The following STPG2 variants were observed in gnomAD, a reference collection of about 807,000 sequenced individuals.
STPG2 encodes the protein sperm-tail PG-rich repeat-containing protein 2.
In STPG2, 56 loss-of-function variants were observed where a neutral mutation model predicts 54.2. The ratio of observed to expected loss-of-function variants is 1.03; its 90% CI spans 0.83 to 1.29. The LOEUF (loss-of-function observed/expected upper bound fraction) is 1.29. Among genes scored for constraint, STPG2 ranks in the 50% most tolerant of loss-of-function variants. The pLI is 0.00. For synonymous variants in STPG2, 200 were observed against 181.8 expected, an observed-to-expected ratio of 1.10 and a Z score of -0.81; for missense variants, 596 against 544.9, an observed-to-expected ratio of 1.09 and a Z score of -0.93.
intron 4 of STPG2, among the ~76,000 whole-genome samples, chr4:97,498,190 T>C (rs911349352): frequency 1.3e-5 from 2 of 152,004 alleles, no homozygotes; most frequent in African/African-American, 4.8e-5. Context: ...AGGTAGGCTC[T>C]CATATAATGA....
At chr4:97,975,763 A>G (rs1223439216) in intron 6 of STPG2, among the ~76,000 whole-genome samples, 2 of 152,178 alleles carry the variant, frequency 1.3e-5, no homozygotes, top group African/African-American at 2.4e-5. Context: ...TCTGGGCTTC[A>G]AGTTCCTTAT....
chr4:97,518,899 CA>C (rs1444416908), intron 4 of STPG2, among the ~76,000 whole-genome samples: 1 of 152,004 alleles, frequency 6.6e-6, no homozygotes, highest in African/African-American at 2.4e-5. Context: ...ATGCTAATGC[CA>C]GGGAACATTA....
At chr4:97,749,605 T>C (rs1457279617) in intron 9 of STPG2, among the ~76,000 whole-genome samples, 4 of 151,728 alleles carry the variant, frequency 2.6e-5, no homozygotes, top group Non-Finnish European at 4.4e-5. Context: ...AGAGTAACCA[T>C]AGATCTCAGT....
At chr4:98,070,645 G>A (rs905603643) in intron 5 of STPG2, among the ~76,000 whole-genome samples, 1 of 152,064 alleles carries the variant, frequency 6.6e-6, no homozygotes, top group African/African-American at 2.4e-5. Flanking sequence ...TTCTTAAGCT[G>A]ATAAGCAACT....
At chr4:97,929,940 A>AGG in intron 8 of STPG2, among the ~76,000 whole-genome samples, 1 of 151,902 alleles carries the variant, frequency 6.6e-6, no homozygotes, top group African/African-American at 2.4e-5. Context: ...TTACCCTATC[A>AGG]CCAGGCTGGA....
At chr4:97,515,228 TATA>T (rs1317331457) in intron 4 of STPG2, among the ~76,000 whole-genome samples, 1 of 152,078 alleles carries the variant, frequency 6.6e-6, no homozygotes, top group Non-Finnish European at 1.5e-5. Flanking sequence ...AAGGTTGCAT[TATA>T]ATAAGTAGTT....
chr4:97,705,906 A>G (rs969502048), intron 10 of STPG2, among the ~76,000 whole-genome samples: 1 of 151,952 alleles, frequency 6.6e-6, no homozygotes, highest in Non-Finnish European at 1.5e-5. Context: ...AACATATATA[A>G]CATATCTAAT....
At chr4:97,991,740 C>T (rs1018061729) in intron 5 of STPG2, among the ~76,000 whole-genome samples, 2 of 152,018 alleles carry the variant, frequency 1.3e-5, no homozygotes, top group Non-Finnish European at 2.9e-5. Flanking sequence ...AAACTGTTCC[C>T]TTTTCACCAC....
At chr4:98,130,705 A>G (rs988817288) in intron 2 of STPG2, among the ~76,000 whole-genome samples, 2 of 151,742 alleles carry the variant, frequency 1.3e-5, no homozygotes, top group South Asian at 4.2e-4. Context: ...GGTGGATCAC[A>G]AGGTCAGGAG....
intron 5 of STPG2, among the ~76,000 whole-genome samples, chr4:98,056,846 ACTCT>A (rs1578818992): frequency 6.8e-6 from 1 of 146,636 alleles, no homozygotes; most frequent in South Asian, 2.2e-4. Context: ...TTGCCTCTTT[ACTCT>A]CTCTCTCTCC....
intron 5 of STPG2, among the ~76,000 whole-genome samples, chr4:98,053,754 T>C (rs575408049): frequency 5.5e-4 from 84 of 152,120 alleles, no homozygotes; most frequent in Non-Finnish European, 1.1e-3. Flanking sequence ...CAACATTTTA[T>C]GGTAAATGTT....
intron 9 of STPG2, among the ~76,000 whole-genome samples, chr4:97,839,244 GAGGCAAGTAGGTGGCAAATATCTCAAC>G (rs1384274394): frequency 6.6e-6 from 1 of 151,546 alleles, no homozygotes; most frequent in Non-Finnish European, 1.5e-5. Flanking sequence ...GTATTCTCAT[GAGGCAAGTAGGTGGCAAATATCTCAAC>G]TGTGAAAAAC....
chr4:98,140,136 G>A lies in STPG2; in HGVS notation c.109+2906C>T, dbSNP rs2110172944. Among the ~76,000 whole-genome samples, 2 of 152,268 alleles carry A rather than the reference G, an allele frequency of 1.3e-5. 1 individual carries two copies. Among genetic ancestry groups the A allele is most frequent in the South Asian group, 4.1e-4 (2 of 4,826 alleles). On this transcript the variant is annotated intron_variant, in intron 1 of 10. Transcript: ENST00000295268. Reference sequence around the variant, plus strand: ...CAAAGAATAAATACAAATTAGCCAAGTGAAGAAAGAAAACAGTGTACTGGA... The same window carrying A: ...CAAAGAATAAATACAAATTAGCCAAATGAAGAAAGAAAACAGTGTACTGGA...
chr4:97,960,071 A>C (rs1560610578), intron 7 of STPG2, among the ~76,000 whole-genome samples: 1 of 152,184 alleles, frequency 6.6e-6, no homozygotes, highest in Non-Finnish European at 1.5e-5. Flanking sequence ...GTGATACATC[A>C]CATAAACAGA....
At chr4:98,129,180 G>A (rs1290282972) in intron 2 of STPG2, among the ~76,000 whole-genome samples, 3 of 152,138 alleles carry the variant, frequency 2.0e-5, no homozygotes, top group Non-Finnish European at 2.9e-5. Flanking sequence ...ATTCTTTCTC[G>A]TTTGGGTCAG....
At chr4:97,478,872 TATG>T (rs1730145031) in intron 4 of STPG2, among the ~76,000 whole-genome samples, 1 of 117,982 alleles carries the variant, frequency 8.5e-6, no homozygotes, top group African/African-American at 3.5e-5. Flanking sequence ...CCAAGCCAAA[TATG>T]TGTGTGTGTG....
chr4:97,898,692 A>T (rs722024), intron 8 of STPG2, among the ~76,000 whole-genome samples: 1 of 151,574 alleles, frequency 6.6e-6, no homozygotes, highest in African/African-American at 2.4e-5. Flanking sequence ...TAAAAGCTTT[A>T]ATTATTAGAT....
chr4:98,062,410 G>A (rs10017201), intron 5 of STPG2, among the ~76,000 whole-genome samples: 59,917 of 151,798 alleles, frequency 0.39, 12,054 homozygotes, highest in Middle Eastern at 0.46. Context: ...CATGTTTACC[G>A]ATGTAACAAA....
chr4:97,945,102 C>G (rs984492273), intron 7 of STPG2, among the ~76,000 whole-genome samples: 1 of 151,892 alleles, frequency 6.6e-6, no homozygotes, highest in Non-Finnish European at 1.5e-5. Flanking sequence ...GTGGTTTTTC[C>G]TTACATGGAT....
Sources: gnomAD v4.1 joint callset for allele counts (sites outside exome capture counted in the v4.1 genomes callset) on GRCh38, gnomAD v4.1.1 for gene constraint, MANE v1.5 for transcripts, NCBI Gene and HGNC (gene_info 2026-07-23, HGNC 2026-07-21) for gene names.